The following IGSF3 variants were observed in gnomAD, a reference collection of about 807,000 sequenced individuals.
IGSF3 encodes the protein glu-Trp-Ile EWI motif-containing protein 3.
A neutral mutation model predicts 114.4 loss-of-function variants in IGSF3; 23 were observed. The observed-to-expected ratio is 0.20, with a 90% CI of 0.14 to 0.28. The LOEUF (loss-of-function observed/expected upper bound fraction) is 0.28, where lower values mean the gene tolerates loss of function less well. Among genes scored for constraint, IGSF3 ranks in the 10% least tolerant of loss-of-function variants. The pLI, the probability that IGSF3 is intolerant of heterozygous loss-of-function variation, is 1.00. For synonymous variants in IGSF3, 571 were observed against 645.2 expected (o/e 0.88, Z 1.74); for missense variants, 1,172 against 1,591.5 (o/e 0.74, Z 4.48).
At chr1:116,660,911 C>T (rs115849212) in intron 2 of IGSF3, among the ~76,000 whole-genome samples, 5,199 of 152,238 alleles carry the variant, frequency 0.034, 296 homozygotes, top group African/African-American at 0.12. Context: ...TAATTGTTTT[C>T]AAGGGAAAAG....
chr1:116,581,866 GC>G (rs990834646), intron 9 of IGSF3, among the ~76,000 whole-genome samples: 1 of 152,160 alleles, frequency 6.6e-6, no homozygotes, highest in African/African-American at 2.4e-5. Flanking sequence ...ACCAAGGGGA[GC>G]CCCCCACCCC....
chr1:116,606,782 G>A (rs971061125), intron 5 of IGSF3, among the ~76,000 whole-genome samples: 12 of 152,216 alleles, frequency 7.9e-5, no homozygotes, highest in African/African-American at 2.4e-4. Context: ...AATAATTTCA[G>A]TTGTACAGTA....
rs1255530136 is a variant in IGSF3, at chr1:116,575,518, C to T, written c.*1794G>A. On this transcript the variant is annotated 3_prime_UTR_variant, in exon 11 of 11. Transcript: ENST00000369486. This position sits in a 1 kb window ranked among gnomAD's most constrained non-coding sequence, Gnocchi z 5.6. ...GACCCTTGAAGGATCAGCACAGACA[C>T]TGGCCTGGGGAATCCCATGGCCTCC... 1.3e-5 allele frequency: 2 copies of T among 152,424 alleles called. No individual in the cohort carries two copies. The highest frequency in any genetic ancestry group is 6.5e-5 in the Admixed American group (1 of 15,284). The allele number at this position is 152,424 out of a possible 1,614,324, so 9.4% of individuals were successfully genotyped here.
chr1:116,578,276 TAATA>T (rs948636175), intron 10 of IGSF3, among the ~76,000 whole-genome samples: 1 of 152,210 alleles, frequency 6.6e-6, no homozygotes, highest in African/African-American at 2.4e-5. Context: ...CGATGAAGCT[TAATA>T]ATTAGGGACA....
rs370460191 is a variant in IGSF3 at position 116,577,679 on chromosome 1, A to C, written c.3335-117T>G. 2 of 874,300 alleles carry C rather than the reference A, an allele frequency of 2.3e-6. No homozygotes were observed. 54.2% of individuals were successfully genotyped at this position (874,300 alleles called of 1,614,324 possible). A position where few individuals can be genotyped will look rare whatever the true frequency, so the allele number is the denominator to read the frequency against. ...AGCTCCTCGGTGACACTCCCACACC[A>C]CCTTGTCTTTCCCCTGCTACCATTA... On this transcript the variant is annotated intron_variant, in intron 10 of 10. Coordinates refer to ENST00000369486, the MANE Select transcript of IGSF3 (RefSeq NM_001007237.3). This position sits in a 1 kb window ranked among gnomAD's most constrained non-coding sequence, Gnocchi z 5.7.
rs760675115 is a variant in IGSF3 at position 116,627,530 on chromosome 1, C to T, written c.44-11073G>A. On this transcript the variant is annotated intron_variant, in intron 2 of 10. Transcript: ENST00000369486. The surrounding 1 kb of genome is among the most constrained non-coding windows in gnomAD (Gnocchi z 4.7). Reference sequence around the variant, plus strand: ...TGGAGCTGGCAGGGCCCCAGCAGTGCGCCTCTCAATGCTCTCACAGCTTCA... The same window carrying T: ...TGGAGCTGGCAGGGCCCCAGCAGTGTGCCTCTCAATGCTCTCACAGCTTCA... 3.3e-5 allele frequency among the ~76,000 whole-genome samples: 5 copies of T among 152,194 alleles called. No individual in the cohort carries two copies. Among genetic ancestry groups the T allele is most frequent in the Non-Finnish European group, 5.9e-5 (4 of 68,030 alleles).
At position 116,651,242 on chromosome 1, in the gene IGSF3, T is replaced by TCTCTTTCCTGC. The variant is rs913514277; in HGVS notation, c.43+15031_43+15041dup. On this transcript the variant is annotated intron_variant, in intron 2 of 10. Coordinates refer to ENST00000369486, the MANE Select transcript of IGSF3 (RefSeq NM_001007237.3). The surrounding 1 kb of genome is among the most constrained non-coding windows in gnomAD (Gnocchi z 4.4). ...GAAGGCTTCTTTGGCTATGCCAGTA[T>TCTCTTTCCTGC]CTCTTTCCTGCCTCTTTCTTCTTCA... 6.6e-6 allele frequency among the ~76,000 whole-genome samples: 1 copy of TCTCTTTCCTGC among 152,224 alleles called. No individual in the cohort carries two copies. Among genetic ancestry groups the TCTCTTTCCTGC allele is most frequent in the Admixed American group, 6.5e-5 (1 of 15,280 alleles).
chr1:116,607,449 A>C lies in IGSF3; in HGVS notation c.1222+493T>G, dbSNP rs1660833467. 6.6e-6 allele frequency among the ~76,000 whole-genome samples: 1 copy of C among 152,258 alleles called. No individual in the cohort carries two copies. Among genetic ancestry groups the C allele is most frequent in the Non-Finnish European group, 1.5e-5 (1 of 68,050 alleles). ...CAACAGGGAAAAGCCATTTAGGGAA[A>C]TGCCAGCCTTTATACCTGAAAAACC... is the stretch of plus-strand genomic sequence containing the variant. On this transcript the variant is annotated intron_variant, in intron 5 of 10. Coordinates refer to ENST00000369486, the MANE Select transcript of IGSF3 (RefSeq NM_001007237.3). The surrounding 1 kb of genome is among the most constrained non-coding windows in gnomAD (Gnocchi z 6.1).
In IGSF3 at chr1:116,654,816, T is replaced by C. The variant is rs1648780937; in HGVS notation, c.43+11468A>G. Among the ~76,000 whole-genome samples, 1 of 151,998 alleles carries C rather than the reference T, an allele frequency of 6.6e-6. No individual in the cohort carries two copies. Among genetic ancestry groups the C allele is most frequent in the South Asian group, 2.1e-4 (1 of 4,814 alleles). On this transcript the variant is annotated intron_variant, in intron 2 of 10. Transcript: ENST00000369486. This position sits in a 1 kb window ranked among gnomAD's most constrained non-coding sequence, Gnocchi z 4.4. ...AAGGACGTTCCACACACCCAGGACT[T>C]GGGATATTTGTGTATTTTCAAGAAT...
In IGSF3 at chr1:116,577,527, C is replaced by T. The variant is rs368581214; in HGVS notation, c.3370G>A (p.Ala1124Thr). 45 of 1,613,786 alleles carry T rather than the reference C, an allele frequency of 2.8e-5. No homozygotes were observed. The highest frequency in any genetic ancestry group is 6.7e-5 in the Admixed American group (4 of 59,986). The change falls in exon 11 of 11, where the codon GCA becomes ACA. Residue 1124 changes from alanine (A) to threonine (T), a missense_variant. Around this residue, in one of 3 missense-constraint regions of IGSF3, gnomAD observed 423 missense variants for 509.8 expected, o/e 0.83. Coordinates refer to ENST00000369486, the MANE Select transcript of IGSF3 (RefSeq NM_001007237.3). The surrounding 1 kb of genome is among the most constrained non-coding windows in gnomAD (Gnocchi z 5.7). ...TAGAAGAAGACGAAGTAGAAGAGTG[C>T]GTCGTTGGAGCAGATGATGGACTGG... ...TLQSIICSND[A>T]LFYFVFFYPF...
chr1:116,588,757 A>C lies in IGSF3; in HGVS notation c.2377T>G (p.Tyr793Asp). 6.2e-7 allele frequency: 1 copy of C among 1,614,002 alleles called. No individual in the cohort carries two copies. Among genetic ancestry groups the C allele is most frequent in the Non-Finnish European group, 8.5e-7 (1 of 1,179,940 alleles). Residue 793 changes from tyrosine (Y) to aspartate (D), a missense_variant, in exon 8 of 11, where the codon TAC (tyrosine) becomes GAC (aspartate). By Grantham distance (160) the Tyr-to-Asp change is radical. Transcript: ENST00000369486. The surrounding 1 kb of genome is among the most constrained non-coding windows in gnomAD (Gnocchi z 4.9). Reference protein sequence around the residue: ...HVEEWLLSPNYAWYKLAEEVS... With the variant: ...HVEEWLLSPNDAWYKLAEEVS... Reference sequence around the variant, plus strand: ...TCCTCTGCCAGCTTGTACCAGGCGTAGTTGGGGCTCAGCAGCCACTCCTCC... The same window carrying C: ...TCCTCTGCCAGCTTGTACCAGGCGTCGTTGGGGCTCAGCAGCCACTCCTCC...
chr1:116,607,697 C>T lies in IGSF3; in HGVS notation c.1222+245G>A, dbSNP rs1483049962. Among the ~76,000 whole-genome samples, 1 of 152,182 alleles carries T rather than the reference C, an allele frequency of 6.6e-6. No homozygotes were observed. Among genetic ancestry groups the T allele is most frequent in the Non-Finnish European group, 1.5e-5 (1 of 68,032 alleles). On this transcript the variant is annotated intron_variant, in intron 5 of 10. Coordinates refer to ENST00000369486, the MANE Select transcript of IGSF3 (RefSeq NM_001007237.3). The surrounding 1 kb of genome is among the most constrained non-coding windows in gnomAD (Gnocchi z 6.1). Reference sequence around the variant, plus strand: ...GCTAGCAATCAGATAGGCCTATGCCCAGCCCTAGACTGCCCTGATTCTGGA... The same window carrying T: ...GCTAGCAATCAGATAGGCCTATGCCTAGCCCTAGACTGCCCTGATTCTGGA...
In IGSF3 at chr1:116,612,717, C is replaced by T. The variant is rs1169000136; in HGVS notation, c.832+1048G>A. Among the ~76,000 whole-genome samples, 4 of 152,260 alleles carry T rather than the reference C, an allele frequency of 2.6e-5. No homozygotes were observed. The highest frequency in any genetic ancestry group is 2.6e-4 in the Admixed American group (4 of 15,286). On this transcript the variant is annotated intron_variant, in intron 4 of 10. Transcript: ENST00000369486. The surrounding 1 kb of genome is among the most constrained non-coding windows in gnomAD (Gnocchi z 4.1). ...CTCACCAGAACCACCACAGTCCTCACCAGAAGTGAGCTTCCGCACAAGGAA... is the reference window on the plus strand; with the variant it reads ...CTCACCAGAACCACCACAGTCCTCATCAGAAGTGAGCTTCCGCACAAGGAA...
At chr1:116,587,394 A>G (rs1259234908) in intron 8 of IGSF3, among the ~76,000 whole-genome samples, 3 of 152,190 alleles carry the variant, frequency 2.0e-5, no homozygotes, top group African/African-American at 2.4e-5. Flanking sequence ...AGGGGGCTAC[A>G]TTTAAGTTAA....
In IGSF3 at chr1:116,636,017, A is replaced by G. The variant is rs369328810; in HGVS notation, c.44-19560T>C. On this transcript the variant is annotated intron_variant, in intron 2 of 10. Coordinates refer to ENST00000369486, the MANE Select transcript of IGSF3 (RefSeq NM_001007237.3). This position sits in a 1 kb window ranked among gnomAD's most constrained non-coding sequence, Gnocchi z 4.5. ...CAATAAGTGTTTGTGGGATGAATCA[A>G]CCGGTTATTCTCCTGAACACCCTTT... Among the ~76,000 whole-genome samples the G allele has an allele frequency of 1.6e-4, 25 of 152,240 alleles. No homozygotes were observed. In the South Asian group the frequency reaches 5.0e-3, roughly 30 times the overall value.
chr1:116,630,070 G>T (rs1309013699), intron 2 of IGSF3, among the ~76,000 whole-genome samples: 1 of 152,200 alleles, frequency 6.6e-6, no homozygotes, highest in South Asian at 2.1e-4. Flanking sequence ...ATACAGCATG[G>T]GGCCATTTCT....
rs1215775727 is a variant in IGSF3 at position 116,649,430 on chromosome 1, A to G, written c.43+16854T>C. Among the ~76,000 whole-genome samples the G allele has an allele frequency of 6.6e-6, 1 of 152,168 alleles. No individual in the cohort carries two copies. Among genetic ancestry groups the G allele is most frequent in the Non-Finnish European group, 1.5e-5 (1 of 68,032 alleles). ...TCTAGCCCTATTTTCAAATGAATTC[A>G]ACGCCTCATTACTTAGATCTTTCCT... On this transcript the variant is annotated intron_variant, in intron 2 of 10. Transcript: ENST00000369486. The surrounding 1 kb of genome is among the most constrained non-coding windows in gnomAD (Gnocchi z 4.5).
At chr1:116,586,878 AG>A (rs1227348254) in intron 8 of IGSF3, among the ~76,000 whole-genome samples, 4 of 152,194 alleles carry the variant, frequency 2.6e-5, no homozygotes, top group African/African-American at 9.6e-5. Flanking sequence ...CAAAAGCCCC[AG>A]GGACTGGCCT....
rs755223934 is a variant in IGSF3, at chr1:116,589,039, A to G, written c.2095T>C (p.Leu699=). 3.1e-6 allele frequency: 5 copies of G among 1,614,174 alleles called. No individual in the cohort carries two copies. The highest frequency in any genetic ancestry group is 1.7e-5 in the Admixed American group (1 of 60,016). ...LTLVENKPIQ[L]NCSVKSQTSQ... ...GTCTGAGACTTGACTGAGCAGTTCA[A>G]CTGAATGGGCTTGTTTTCCACCAGG... Residue 699 remains leucine, a synonymous_variant, in exon 8 of 11, where the codon TTG becomes CTG. Transcript: ENST00000369486. This position sits in a 1 kb window ranked among gnomAD's most constrained non-coding sequence, Gnocchi z 5.7.
Sources: gnomAD v4.1 joint callset for allele counts (sites outside exome capture counted in the v4.1 genomes callset) on GRCh38, gnomAD v4.1.1 for gene constraint, gnomAD v4.1.1 regional missense constraint, Gnocchi (gnomAD v3.1) non-coding constraint, MANE v1.5 for transcripts, NCBI Gene and HGNC (gene_info 2026-07-23, HGNC 2026-07-21) for gene names.